The following MVB12A variants were observed in gnomAD, a reference collection of about 807,000 sequenced individuals.
MVB12A encodes the protein CIN85/CD2AP family binding protein.
In MVB12A, 30 loss-of-function variants were observed where a neutral mutation model predicts 34.3. The observed-to-expected ratio is 0.88, with a 90% CI of 0.65 to 1.19. MVB12A has a LOEUF of 1.19. Among genes scored for constraint, MVB12A ranks in the 50% most tolerant of loss-of-function variants. MVB12A has a pLI of 0.00. For synonymous variants in MVB12A, 158 were observed against 158.9 expected, an observed-to-expected ratio of 0.99 and a Z score of 0.04; for missense variants, 355 against 369.2, an observed-to-expected ratio of 0.96 and a Z score of 0.31.
At chr19:17,417,062 G>A, upstream of MVB12A, 3 of 416,076 alleles carry the variant, frequency 7.2e-6, no homozygotes, top group South Asian at 3.6e-5. Flanking sequence ...TTTTTTCCAG[G>A]CAACTTTAGC....
intron 6 of MVB12A, 65 bp downstream of exon 6, chr19:17,423,864 AC>A (rs1270614414): frequency 6.4e-7 from 1 of 1,569,944 alleles, no homozygotes; most frequent in Non-Finnish European, 8.8e-7. Context: ...AGATTACACA[AC>A]CAGGAAGGAT....
upstream of MVB12A, chr19:17,417,888 C>A: frequency 7.0e-6 from 2 of 287,024 alleles, no homozygotes; most frequent in South Asian, 6.5e-5. Flanking sequence ...CTGGGTTTTT[C>A]TTCTTCTTCT....
At chr19:17,420,799 A>G (rs765620796) in intron 3 of MVB12A, 165 bp downstream of exon 3, 2 of 637,456 alleles carry the variant, frequency 3.1e-6, no homozygotes, top group Non-Finnish European at 5.7e-6. Flanking sequence ...GTGGACCGAC[A>G]TCCCCTGTCC....
chr19:17,420,723 C>T, intron 3 of MVB12A, 89 bp downstream of exon 3: 1 of 883,646 alleles, frequency 1.1e-6, no homozygotes, highest in Non-Finnish European at 1.8e-6. Context: ...GTATCTGAGC[C>T]TCGGCTGCCC....
chr19:17,421,541 T>C (rs8107250), intron 3 of MVB12A, among the ~76,000 whole-genome samples: 94,430 of 152,034 alleles, frequency 0.62, 32,627 homozygotes, highest in Non-Finnish European at 0.8. Flanking sequence ...AAGGGCCTTA[T>C]AGTAAATATT....
chr19:17,407,750 C>A (rs2074738381), intron 2 of MVB12A, among the ~76,000 whole-genome samples: 1 of 152,194 alleles, frequency 6.6e-6, no homozygotes, highest in South Asian at 2.1e-4. Context: ...GCGAGCCTGA[C>A]TGATGTCAGG....
rs200479835 is a variant in MVB12A, at chr19:17,424,980, C to T, written c.809C>T (p.Pro270Leu). 2 of 1,609,376 alleles carry T rather than the reference C, an allele frequency of 1.2e-6. No homozygotes were observed. The highest frequency in any genetic ancestry group is 1.3e-5 in the African/African-American group (1 of 74,838). Residue 270 changes from proline (P) to leucine (L), a missense_variant, in exon 9 of 9, where the codon CCC (proline) becomes CTC (leucine). Transcript: ENST00000317040. ...AAGACCGCGGCTGCCCGCCTGCCCCCCAGCGTCTCATAGTCCCTCACCCTT... is the reference window on the plus strand; with the variant it reads ...AAGACCGCGGCTGCCCGCCTGCCCCTCAGCGTCTCATAGTCCCTCACCCTT... Reference protein sequence around the residue: ...VEKTAAARLPPSVS With the variant: ...VEKTAAARLPLSVS
Position 17,423,577 on chromosome 19 carries a change from G to A in MVB12A, c.493G>A (p.Asp165Asn), listed in dbSNP as rs771302453. 1.8e-5 allele frequency: 29 copies of A among 1,614,152 alleles called. No individual in the cohort carries two copies. The South Asian group carries it at 3.2e-4, about 18-fold the overall frequency. The change falls in exon 5 of 9, where the codon GAC (aspartate) becomes AAC (asparagine). Residue 165 changes from aspartate (D) to asparagine (N), a missense_variant. Transcript: ENST00000317040. ...GCCCAAGCCCCGAGGTCTCAGCCGG[G>A]ACATGCAGGGCCTCTCTCTGGATGC... ...PVPKPRGLSR[D>N]MQGLSLDAAS...
intron 2 of MVB12A, among the ~76,000 whole-genome samples, chr19:17,410,497 C>CATATATATATATATATATATATATAT (rs373127253): frequency 3.9e-5 from 3 of 77,626 alleles, no homozygotes; most frequent in Non-Finnish European, 7.0e-5. Context: ...GTTTTAGCTT[C>CATATATATATATATATATATATATAT]ATATATATAT....
At chr19:17,419,972 C>T (rs940100983), upstream of MVB12A, 12 of 419,246 alleles carry the variant, frequency 2.9e-5, no homozygotes, top group Non-Finnish European at 4.9e-5. Context: ...CATTGGCCAG[C>T]AGCTCCTCGG....
At position 17,424,975 on chromosome 19, in the gene MVB12A, G is replaced by C; in HGVS notation, c.804G>C (p.Leu268=). ...FVVEKTAAAR[L]PPSVS is the part of the protein sequence containing the mutation. ...TGGAGAAGACCGCGGCTGCCCGCCTGCCCCCCAGCGTCTCATAGTCCCTCA... is the reference window on the plus strand; with the variant it reads ...TGGAGAAGACCGCGGCTGCCCGCCTCCCCCCCAGCGTCTCATAGTCCCTCA... Residue 268 remains leucine (L), a synonymous_variant, in exon 9 of 9, where the codon CTG becomes CTC. Coordinates refer to ENST00000317040, the MANE Select transcript of MVB12A (RefSeq NM_138401.4). 6.2e-7 allele frequency: 1 copy of C among 1,608,876 alleles called. No homozygotes were observed. The highest frequency in any genetic ancestry group is 8.5e-7 in the Non-Finnish European group (1 of 1,177,064).
At chr19:17,407,419 T>C (rs937611692) in intron 2 of MVB12A, among the ~76,000 whole-genome samples, 11 of 152,220 alleles carry the variant, frequency 7.2e-5, no homozygotes, top group Non-Finnish European at 1.2e-4. Context: ...CTGTTATTTA[T>C]TGGATACAAA....
intron 2 of MVB12A, among the ~76,000 whole-genome samples, chr19:17,407,408 G>A (rs1488377814): frequency 6.6e-6 from 1 of 152,138 alleles, no homozygotes; most frequent in East Asian, 1.9e-4. Context: ...GTCTGGCTGT[G>A]CTGTTATTTA....
chr19:17,415,638 A>G (rs2074794856), upstream of MVB12A: 1 of 152,282 alleles, frequency 6.6e-6, no homozygotes, highest in African/African-American at 2.4e-5. Flanking sequence ...ACCAAGGTAT[A>G]AAAGTAAATC....
upstream of MVB12A, chr19:17,415,118 G>GT (rs1247681073): frequency 7.0e-6 from 1 of 143,314 alleles, no homozygotes; most frequent in Non-Finnish European, 1.5e-5. Flanking sequence ...GCCTGACCTT[G>GT]TTTTTTTACT....
At chr19:17,415,853 C>T (rs2074796742), upstream of MVB12A, 1 of 152,454 alleles carries the variant, frequency 6.6e-6, no homozygotes, top group East Asian at 1.9e-4. Context: ...GAGTGAAACT[C>T]CGTTTCAAAA....
At chr19:17,424,480 A>G in intron 7 of MVB12A, 141 bp from the exon 8 acceptor site, 1 of 934,634 alleles carries the variant, frequency 1.1e-6, no homozygotes, top group Non-Finnish European at 1.6e-6. Context: ...ACAAAACAAA[A>G]CAAACAAGAA....
At chr19:17,409,999 C>T (rs137871341) in intron 2 of MVB12A, among the ~76,000 whole-genome samples, 3 of 151,058 alleles carry the variant, frequency 2.0e-5, no homozygotes, top group Admixed American at 6.6e-5. Flanking sequence ...CCTCATGATC[C>T]GTCCATCTCG....
chr19:17,410,529 T>TATATATATATATACACACACACACAC, intron 2 of MVB12A, among the ~76,000 whole-genome samples: 4 of 74,476 alleles, frequency 5.4e-5, no homozygotes, highest in African/African-American at 2.0e-4. Flanking sequence ...TATATATATA[T>TATATATATATATACACACACACACAC]ACACACACAC....
Sources: allele counts gnomAD v4.1 joint callset (sites outside exome capture counted in the v4.1 genomes callset), GRCh38; gene constraint gnomAD v4.1.1; transcripts MANE v1.5; gene names NCBI Gene and HGNC (gene_info 2026-07-23, HGNC 2026-07-21).